TSC22D1: variants seen among roughly 807,000 people sequenced by gnomAD.
TSC22D1 encodes TSC22 domain family member 1, also known as TSC22 domain family protein 1.
In TSC22D1, 9 loss-of-function variants were observed where a neutral mutation model predicts 74.2. The observed-to-expected ratio is 0.12, with a 90% CI of 0.07 to 0.21. TSC22D1 has a LOEUF of 0.21. TSC22D1 is among the 10% of genes least tolerant of loss of function. The pLI is 1.00. For synonymous variants in TSC22D1, 586 were observed against 492.5 expected (o/e 1.19, Z -2.51); for missense variants, 1,427 against 1,304.7 (o/e 1.09, Z -1.44).
chr13:44,450,898 G>A (rs935530005), intron 1 of TSC22D1, among the ~76,000 whole-genome samples: 1 of 152,116 alleles, frequency 6.6e-6, no homozygotes, highest in East Asian at 1.9e-4. Flanking sequence ...GGAGCTGGGC[G>A]GCCACACACA....
In TSC22D1 at chr13:44,459,768, G is replaced by A. The variant is rs928938047; in HGVS notation, c.2913-23673C>T. On this transcript the variant is annotated intron_variant, in intron 1 of 2. Coordinates refer to ENST00000458659, the MANE Select transcript of TSC22D1 (RefSeq NM_183422.4). ...AGTGGAAGCCACTTACAGTATGCCT[G>A]GTCTAGCCGCAGCCTTGCACAGAGC... Among the ~76,000 whole-genome samples, 7 of 152,180 alleles carry A rather than the reference G, an allele frequency of 4.6e-5. No homozygotes were observed. The South Asian group carries it at 6.2e-4, about 14-fold the overall frequency.
intron 1 of TSC22D1, among the ~76,000 whole-genome samples, chr13:44,568,785 G>A (rs1235515418): frequency 6.6e-6 from 1 of 152,144 alleles, no homozygotes; most frequent in Non-Finnish European, 1.5e-5. Flanking sequence ...GGGAAAGGAG[G>A]GGCAACTTGG....
chr13:44,565,492 T>G (rs530906539), intron 1 of TSC22D1, among the ~76,000 whole-genome samples: 1 of 152,204 alleles, frequency 6.6e-6, no homozygotes, highest in East Asian at 1.9e-4. Flanking sequence ...AGGAAAAAAG[T>G]TAACCTAGAA....
chr13:44,471,317 G>C (rs1366062643), intron 1 of TSC22D1, among the ~76,000 whole-genome samples: 2 of 152,122 alleles, frequency 1.3e-5, no homozygotes, highest in Non-Finnish European at 2.9e-5. Flanking sequence ...TGTTTGAAAT[G>C]AAATTATTTC....
rs1451277043 is a variant in TSC22D1 at position 44,437,964 on chromosome 13, C to T, written c.2913-1869G>A. 3.3e-5 allele frequency among the ~76,000 whole-genome samples: 5 copies of T among 152,308 alleles called. No individual in the cohort carries two copies. The East Asian group carries it at 7.7e-4, about 23-fold the overall frequency. ...CACACTGACCAAATAATTCCCTTCT[C>T]CAAACCAAAATCGAGAGATGTGGGT... On this transcript the variant is annotated intron_variant, in intron 1 of 2. Transcript: ENST00000458659.
intron 1 of TSC22D1, among the ~76,000 whole-genome samples, chr13:44,474,758 G>A (rs541080937): frequency 5.9e-5 from 9 of 152,008 alleles, no homozygotes; most frequent in Middle Eastern, 3.4e-3. Flanking sequence ...GAAGGAGGAC[G>A]GGAGGAGAGT....
At chr13:44,453,394 G>A (rs1566119640) in intron 1 of TSC22D1, among the ~76,000 whole-genome samples, 1 of 152,102 alleles carries the variant, frequency 6.6e-6, no homozygotes, top group Non-Finnish European at 1.5e-5. Flanking sequence ...AACTTAACAA[G>A]GAACACCCAA....
intron 1 of TSC22D1, among the ~76,000 whole-genome samples, chr13:44,452,097 A>G (rs1876186499): frequency 6.6e-6 from 1 of 152,214 alleles, no homozygotes; most frequent in South Asian, 2.1e-4. Flanking sequence ...TTGACAGAAG[A>G]GGAGAACTTT....
rs747341840 is a variant in TSC22D1 at position 44,573,240 on chromosome 13, G to A, written c.2835C>T (p.Ser945=). Residue 945 remains serine, a synonymous_variant, in exon 1 of 3, where the codon AGC becomes AGT. Coordinates refer to ENST00000458659, the MANE Select transcript of TSC22D1 (RefSeq NM_183422.4). ...GGAAAAGAGAAGCAGAGGCTGCTAGGCTGCTGCTACTCCCATCTGAAACTG... is the reference window on the plus strand; with the variant it reads ...GGAAAAGAGAAGCAGAGGCTGCTAGACTGCTGCTACTCCCATCTGAAACTG... ...MSAVSDGSSS[S]LAASASLFPL... is the part of the protein sequence containing the mutation. 4.3e-6 allele frequency: 7 copies of A among 1,614,214 alleles called. No homozygotes were observed. Among genetic ancestry groups the A allele is most frequent in the South Asian group, 1.1e-5 (1 of 91,090 alleles).
rs145475008 is a variant in TSC22D1 at position 44,575,869 on chromosome 13, G to A, written c.206C>T (p.Pro69Leu). The change falls in exon 1 of 3, where the codon CCT becomes CTT. Residue 69 changes from proline to leucine, a missense_variant. Physicochemically the swap from Pro to Leu is moderately conservative, Grantham distance 98. Coordinates refer to ENST00000458659, the MANE Select transcript of TSC22D1 (RefSeq NM_183422.4). ...PPPSLLQPPP[P>L]AASSTSGPQP... ...TGGTCCCGACGTAGAAGATGCTGCA[G>A]GGGGCGGCGGCTGAAGCAGCGACGG... 1.4e-5 allele frequency: 23 copies of A among 1,614,108 alleles called. No homozygotes were observed. The highest frequency in any genetic ancestry group is 1.9e-5 in the Non-Finnish European group (23 of 1,180,012).
At chr13:44,517,811 A>ATT (rs1880084956) in intron 1 of TSC22D1, among the ~76,000 whole-genome samples, 2 of 55,126 alleles carry the variant, frequency 3.6e-5, no homozygotes, top group African/African-American at 7.0e-5. Context: ...ACACATATAT[A>ATT]TGTGTGTGTG....
At chr13:44,435,367 C>G (rs1039767789) in intron 2 of TSC22D1, 1 of 158,364 alleles carries the variant, frequency 6.3e-6, no homozygotes, top group Non-Finnish European at 1.4e-5. Flanking sequence ...TCACAGAAAC[C>G]TGGGCAGACG....
rs1328520636 is a variant in TSC22D1, at chr13:44,434,268, C to T, written c.*358G>A. 7.9e-6 allele frequency: 11 copies of T among 1,391,284 alleles called. No individual in the cohort carries two copies. The highest frequency in any genetic ancestry group is 1.0e-5 in the Non-Finnish European group (11 of 1,084,168). 86.2% of individuals were successfully genotyped at this position (1,391,284 alleles called of 1,614,324 possible). On this transcript the variant is annotated 3_prime_UTR_variant, in exon 3 of 3. Coordinates refer to ENST00000458659, the MANE Select transcript of TSC22D1 (RefSeq NM_183422.4). The stretch of plus-strand genomic sequence containing the variant: ...TCACAACCCCATGTAGGACACTAAG[C>T]GCAAGCAGGAGAGAGAACCCTTGGA...
In TSC22D1 at chr13:44,575,935, C is replaced by T; in HGVS notation, c.140G>A (p.Gly47Asp). ...GGAAGATGTGGCATTACTACCGACGCCGGTACCTGCTGCATTGAGAGCAGA... is the reference window on the plus strand; with the variant it reads ...GGAAGATGTGGCATTACTACCGACGTCGGTACCTGCTGCATTGAGAGCAGA... ...SASALNAAGT[G>D]VGSNATSSED... is the part of the protein sequence containing the mutation. Residue 47 changes from glycine to aspartate, a missense_variant, in exon 1 of 3, where the codon GGC (glycine) becomes GAC (aspartate). Physicochemically the swap from Gly to Asp is moderately conservative, Grantham distance 94 (BLOSUM62 -1). Coordinates refer to ENST00000458659, the MANE Select transcript of TSC22D1 (RefSeq NM_183422.4). 1 of 1,612,386 alleles carries T rather than the reference C, an allele frequency of 6.2e-7. No individual in the cohort carries two copies. The highest frequency in any genetic ancestry group is 8.5e-7 in the Non-Finnish European group (1 of 1,179,404).
At position 44,575,908 on chromosome 13, in the gene TSC22D1, T is replaced by A; in HGVS notation, c.167A>T (p.Glu56Val). 6.2e-7 allele frequency: 1 copy of A among 1,613,862 alleles called. No homozygotes were observed. Residue 56 changes from glutamate (E) to valine (V), a missense_variant, in exon 1 of 3, where the codon GAG becomes GTG. Coordinates refer to ENST00000458659, the MANE Select transcript of TSC22D1 (RefSeq NM_183422.4). Reference sequence around the variant, plus strand: ...AAGCAGCGACGGAGGCGGAAAATCCTCGGAAGATGTGGCATTACTACCGAC... The same window carrying A: ...AAGCAGCGACGGAGGCGGAAAATCCACGGAAGATGTGGCATTACTACCGAC... ...TGVGSNATSS[E>V]DFPPPSLLQP... is the part of the protein sequence containing the mutation.
At chr13:44,451,647 C>T (rs968244979) in intron 1 of TSC22D1, 2 of 152,194 alleles carry the variant, frequency 1.3e-5, no homozygotes, top group African/African-American at 2.4e-5. Flanking sequence ...TAAAAACAAA[C>T]CATGACATGC....
At chr13:44,547,670 T>C (rs1003804278) in intron 1 of TSC22D1, among the ~76,000 whole-genome samples, 1 of 152,198 alleles carries the variant, frequency 6.6e-6, no homozygotes, top group Non-Finnish European at 1.5e-5. Flanking sequence ...AGAGATAAAC[T>C]CCAATGTATT....
chr13:44,450,808 A>G (rs1282199255), intron 1 of TSC22D1, among the ~76,000 whole-genome samples: 1 of 152,192 alleles, frequency 6.6e-6, no homozygotes, highest in Non-Finnish European at 1.5e-5. Context: ...TACTGGCATA[A>G]GAAAAGTTGT....
intron 1 of TSC22D1, among the ~76,000 whole-genome samples, chr13:44,572,907 G>A (rs537111063): frequency 2.0e-4 from 31 of 152,134 alleles, no homozygotes; most frequent in African/African-American, 7.5e-4. Context: ...ACCACTTGGC[G>A]CCCCCAAACC....
Sources: gnomAD v4.1 joint callset for allele counts (sites outside exome capture counted in the v4.1 genomes callset) on GRCh38, gnomAD v4.1.1 for gene constraint, MANE v1.5 for transcripts, NCBI Gene and HGNC (gene_info 2026-07-23, HGNC 2026-07-21) for gene names.